SUPT20H: variants seen among roughly 807,000 people sequenced by gnomAD.
SUPT20H encodes the protein transcription factor SPT20 homolog.
In SUPT20H, 82 loss-of-function variants were observed where a neutral mutation model predicts 122.8. That is an observed-to-expected ratio of 0.67 (90% CI 0.56 to 0.80). The LOEUF (loss-of-function observed/expected upper bound fraction) is 0.80, where lower values mean the gene tolerates loss of function less well. Among genes scored for constraint, SUPT20H ranks in the 30% least tolerant of loss-of-function variants. The pLI, the probability that SUPT20H is intolerant of heterozygous loss-of-function variation, is 0.00. For missense variants in SUPT20H, 831 were observed against 921.6 expected (o/e 0.90, Z 1.27); for synonymous variants, 291 against 313.0 (o/e 0.93, Z 0.74).
intron 23 of SUPT20H, among the ~76,000 whole-genome samples, chr13:37,016,433 A>C (rs2060514601): frequency 6.6e-6 from 1 of 151,818 alleles, no homozygotes; most frequent in Admixed American, 6.6e-5. Context: ...CTGTCTCAAA[A>C]AAAAAAAAAA....
rs2061600796 is a variant in SUPT20H, at chr13:37,022,737, A to G, written c.1592-657T>C. The stretch of plus-strand genomic sequence containing the variant: ...AAAGTCTGAGATAAACTGTAAACAT[A>G]TTTAATAAGTTACATATGGTTAACA... On this transcript the variant is annotated intron_variant, in intron 19 of 25. Coordinates refer to ENST00000350612, the MANE Select transcript of SUPT20H (RefSeq NM_001014286.3). The surrounding 1 kb of genome is among the most constrained non-coding windows in gnomAD (Gnocchi z 4.5). 1 of 990,618 alleles carries G rather than the reference A, an allele frequency of 1.0e-6. No individual in the cohort carries two copies. Among genetic ancestry groups the G allele is most frequent in the African/African-American group, 1.7e-5 (1 of 57,482 alleles). 61.4% of individuals were successfully genotyped at this position (990,618 alleles called of 1,614,324 possible).
rs569075215 is a variant in SUPT20H at position 37,052,834 on chromosome 13, A to G, written c.-93-1251T>C. 3.1e-4 allele frequency among the ~76,000 whole-genome samples: 47 copies of G among 152,140 alleles called. No homozygotes were observed. In the South Asian group the frequency reaches 8.9e-3, roughly 29 times the overall value. On this transcript the variant is annotated intron_variant, in intron 1 of 25. Coordinates refer to ENST00000350612, the MANE Select transcript of SUPT20H (RefSeq NM_001014286.3). ...TCTACAAAGAACTTAAATTTAGAAG[A>G]AAAAAACAACCCCATCAAAAAGTGG...
chr13:37,034,815 C>G (rs972541064), intron 9 of SUPT20H, among the ~76,000 whole-genome samples: 2 of 152,182 alleles, frequency 1.3e-5, no homozygotes, highest in Non-Finnish European at 2.9e-5. Context: ...GTTAATGCAG[C>G]TGATGACTTG....
chr13:37,015,455 C>T (rs2060286859), intron 23 of SUPT20H, among the ~76,000 whole-genome samples: 1 of 150,866 alleles, frequency 6.6e-6, no homozygotes, highest in Non-Finnish European at 1.5e-5. Context: ...GGGATTATCA[C>T]CTCACACCCA....
chr13:37,034,714 G>A (rs2064016675), intron 9 of SUPT20H, among the ~76,000 whole-genome samples: 1 of 152,200 alleles, frequency 6.6e-6, no homozygotes, highest in Non-Finnish European at 1.5e-5. Flanking sequence ...CCTTATATTA[G>A]AAGAATATGC....
intron 1 of SUPT20H, among the ~76,000 whole-genome samples, chr13:37,055,045 G>A (rs1199970): frequency 0.072 from 10,893 of 152,056 alleles, 1,317 homozygotes; most frequent in African/African-American, 0.25. Flanking sequence ...AAATACCTAG[G>A]AATACAACTT....
Position 37,025,429 on chromosome 13 carries a change from T to C in SUPT20H, c.1220A>G (p.Asn407Ser), listed in dbSNP as rs200067134. ...ATTCTGGACTAATTCTTGGTACTGA[T>C]TGACTACCCTAAAATATCAGGAGAA... ...GSKTDAERVV[N>S]QYQELVQNEA... Residue 407 changes from asparagine to serine, a missense_variant, in exon 17 of 26, where the codon AAT becomes AGT. Physicochemically the swap from Asn to Ser is conservative, Grantham distance 46 (BLOSUM62 1). Transcript: ENST00000350612. 4.7e-5 allele frequency: 76 copies of C among 1,611,220 alleles called. No individual in the cohort carries two copies. The highest frequency in any genetic ancestry group is 9.3e-5 in the African/African-American group (7 of 74,952).
chr13:37,044,135 T>C lies in SUPT20H; in HGVS notation c.339A>G (p.Glu113=), dbSNP rs1352557709. ...RLPYEEGELL[E]YLDAEELPPI... The stretch of plus-strand genomic sequence containing the variant: ...GAGGTAATTCTTCTGCATCCAAATA[T>C]TCAAGCAACTCTCCTTCTTCATAGG... The change falls in exon 7 of 26, where the codon GAA becomes GAG. Residue 113 remains glutamate, a synonymous_variant. Coordinates refer to ENST00000350612, the MANE Select transcript of SUPT20H (RefSeq NM_001014286.3). 6.2e-7 allele frequency: 1 copy of C among 1,613,166 alleles called. No homozygotes were observed. Among genetic ancestry groups the C allele is most frequent in the Non-Finnish European group, 8.5e-7 (1 of 1,179,582 alleles).
At chr13:37,010,905 C>A in intron 24 of SUPT20H, 1 of 330,036 alleles carries the variant, frequency 3.0e-6, no homozygotes, top group Non-Finnish European at 5.6e-6. Flanking sequence ...CTGAACCTCT[C>A]TTCTCTTGCA....
Position 37,028,261 on chromosome 13 carries a change from C to T in SUPT20H, c.1038G>A (p.Gln346=). The T allele has an allele frequency of 6.2e-7, 1 of 1,613,472 alleles. No individual in the cohort carries two copies. Among genetic ancestry groups the T allele is most frequent in the Middle Eastern group, 1.7e-4 (1 of 6,056 alleles). Residue 346 remains glutamine, a synonymous_variant, in exon 14 of 26, where the codon CAG becomes CAA. Transcript: ENST00000350612. ...AGATGGTCAGCTTTGTTTTCTGATA[C>T]TGAGTACCAGCTTCACATTCAAATA... is the stretch of plus-strand genomic sequence containing the variant. ...DYVFECEAGT[Q]YQKTKLTILQ... is the part of the protein sequence containing the mutation.
chr13:37,048,139 A>G (rs540141846), intron 3 of SUPT20H, among the ~76,000 whole-genome samples: 1 of 152,310 alleles, frequency 6.6e-6, no homozygotes, highest in South Asian at 2.1e-4. Flanking sequence ...TTAGCAGAGT[A>G]TTTCATTGCC....
intron 17 of SUPT20H, 33 bp downstream of exon 17, chr13:37,025,287 T>C (rs1441288417): frequency 6.7e-7 from 1 of 1,498,718 alleles, no homozygotes; most frequent in Non-Finnish European, 9.3e-7. Flanking sequence ...GTGAAACAAC[T>C]GGGCACAAAG....
At chr13:37,052,538 A>G (rs2067969225) in intron 1 of SUPT20H, among the ~76,000 whole-genome samples, 1 of 21,136 alleles carries the variant, frequency 4.7e-5, no homozygotes, top group African/African-American at 3.7e-4. Flanking sequence ...TGGAATAAAG[A>G]CTTACAACAT....
intron 12 of SUPT20H, 27 bp from the exon 13 acceptor site, chr13:37,029,863 C>T (rs1355002023): frequency 6.5e-7 from 1 of 1,534,054 alleles, no homozygotes; most frequent in Non-Finnish European, 8.9e-7. Context: ...AGAAATACCA[C>T]ATAAAATAGA....
chr13:37,019,275 A>C, intron 22 of SUPT20H, 67 bp downstream of exon 22: 3 of 1,204,612 alleles, frequency 2.5e-6, no homozygotes, highest in South Asian at 2.8e-5. Flanking sequence ...ATACATATAG[A>C]TATACATTGT....
chr13:37,027,650 C>T (rs1198051674), intron 14 of SUPT20H, among the ~76,000 whole-genome samples: 3 of 152,008 alleles, frequency 2.0e-5, no homozygotes, highest in African/African-American at 7.2e-5. Context: ...AAACTAAATA[C>T]TGACAGTACC....
Position 37,040,639 on chromosome 13 carries a change from C to T in SUPT20H, c.450G>A (p.Gln150=). ...CVIAEIRDYR[Q]SSNMKSPGYQ... ...AACCAGGAGATTTCATGTTACTGGA[C>T]TGCCTGTAGTCACGTATTTCTGCTA... The change falls in exon 8 of 26, where the codon CAG becomes CAA. Residue 150 remains glutamine (Q), a synonymous_variant. Coordinates refer to ENST00000350612, the MANE Select transcript of SUPT20H (RefSeq NM_001014286.3). The T allele has an allele frequency of 1.2e-6, 2 of 1,614,100 alleles. No individual in the cohort carries two copies. Among genetic ancestry groups the T allele is most frequent in the Non-Finnish European group, 1.7e-6 (2 of 1,180,010 alleles).
chr13:37,044,626 G>A (rs2066084071), intron 6 of SUPT20H, among the ~76,000 whole-genome samples: 1 of 152,164 alleles, frequency 6.6e-6, no homozygotes, highest in African/African-American at 2.4e-5. Flanking sequence ...TTCCAGCTAT[G>A]TGAGTTCCTT....
chr13:37,032,025 T>C (rs2063432744), intron 10 of SUPT20H, 130 bp from the exon 11 acceptor site: 1 of 689,964 alleles, frequency 1.4e-6, no homozygotes, highest in Admixed American at 3.8e-5. Context: ...CCAAGCACAG[T>C]CCTAGGAACT....
Sources: gnomAD v4.1 joint callset for allele counts (sites outside exome capture counted in the v4.1 genomes callset) on GRCh38, gnomAD v4.1.1 for gene constraint, Gnocchi (gnomAD v3.1) non-coding constraint, MANE v1.5 for transcripts, NCBI Gene and HGNC (gene_info 2026-07-23, HGNC 2026-07-21) for gene names.